CDV3: variants seen among roughly 807,000 people sequenced by gnomAD.
CDV3 encodes the protein CDV3 homolog.
A neutral mutation model predicts 24.5 loss-of-function variants in CDV3; 14 were observed. That is an observed-to-expected ratio of 0.57 (90% CI 0.38 to 0.89). The LOEUF (loss-of-function observed/expected upper bound fraction) is 0.89. Ranked by LOEUF, CDV3 falls within the 40% of genes least tolerant of loss-of-function variation. The pLI, the probability that CDV3 is intolerant of heterozygous loss-of-function variation, is 0.00. For missense variants in CDV3, 304 were observed against 310.2 expected (o/e 0.98, Z 0.15); for synonymous variants, 114 against 114.1 (o/e 1.00, Z 0.00).
chr3:133,578,888 T>C (rs1170349657), intron 2 of CDV3, among the ~76,000 whole-genome samples: 2 of 152,222 alleles, frequency 1.3e-5, no homozygotes, highest in Non-Finnish European at 2.9e-5. Context: ...TTCTATTCTT[T>C]ATAAATATAC....
intron 3 of CDV3, among the ~76,000 whole-genome samples, chr3:133,585,132 G>A (rs574601533): frequency 6.6e-6 from 1 of 152,086 alleles, no homozygotes; most frequent in South Asian, 2.1e-4. Flanking sequence ...ATGGCTCATT[G>A]CAGCCCCTCA....
At chr3:133,584,923 C>T (rs983055100) in intron 3 of CDV3, among the ~76,000 whole-genome samples, 2 of 151,930 alleles carry the variant, frequency 1.3e-5, no homozygotes, top group African/African-American at 4.8e-5. Context: ...CTCCTTAGGG[C>T]AATAATGAAA....
chr3:133,580,768 T>G (rs555112585), intron 2 of CDV3, among the ~76,000 whole-genome samples: 1 of 152,200 alleles, frequency 6.6e-6, no homozygotes, highest in South Asian at 2.1e-4. Flanking sequence ...TTTGAACTCC[T>G]GGCCTCAAGT....
At chr3:133,574,656 G>T in intron 1 of CDV3, 1 of 1,028,650 alleles carries the variant, frequency 9.7e-7, no homozygotes, top group Non-Finnish European at 1.2e-6. Flanking sequence ...CTGAATTTTC[G>T]CTTTCAGCAG....
In CDV3 at chr3:133,588,127, C is replaced by A; in HGVS notation, c.*81C>A. On this transcript the variant is annotated 3_prime_UTR_variant, in exon 5 of 5. Transcript: ENST00000264993. The stretch of plus-strand genomic sequence containing the variant: ...ACAGCCATTCATCATCTGATCTCTG[C>A]TGGATCTACAGACACCGATGCAGAC... 1 of 1,574,932 alleles carries A rather than the reference C, an allele frequency of 6.3e-7. No homozygotes were observed. The highest frequency in any genetic ancestry group is 1.8e-5 in the Admixed American group (1 of 54,310).
At chr3:133,586,442 C>T in intron 3 of CDV3, 121 bp from the exon 4 acceptor site, 1 of 619,046 alleles carries the variant, frequency 1.6e-6, no homozygotes, top group Non-Finnish European at 2.9e-6. Context: ...CTTCTGTGGT[C>T]TGACCCAGAG....
chr3:133,589,382 A>G lies in CDV3; in HGVS notation c.*1336A>G, dbSNP rs1416349917. 1.3e-5 allele frequency: 2 copies of G among 152,720 alleles called. No individual in the cohort carries two copies. The highest frequency in any genetic ancestry group is 3.9e-4 in the East Asian group (2 of 5,184). The allele number at this position is 152,720 out of a possible 1,614,324, so 9.5% of individuals were successfully genotyped here. On this transcript the variant is annotated 3_prime_UTR_variant, in exon 5 of 5. Transcript: ENST00000264993. ...TGATGTAGCACTTCTGTTTTTAATA[A>G]TTATTGCTTAAAATACCTATTAATA...
At chr3:133,584,693 A>G (rs1933404303) in intron 3 of CDV3, among the ~76,000 whole-genome samples, 1 of 152,086 alleles carries the variant, frequency 6.6e-6, no homozygotes, top group Non-Finnish European at 1.5e-5. Context: ...TTCATTCCCT[A>G]TTTAACTTTC....
intron 2 of CDV3, among the ~76,000 whole-genome samples, chr3:133,578,353 C>T (rs192224040): frequency 1.5e-4 from 23 of 152,262 alleles, no homozygotes; most frequent in Non-Finnish European, 2.4e-4. Context: ...GCATTTGTCA[C>T]GTTTCAGTAA....
chr3:133,578,593 G>A (rs927779699), intron 2 of CDV3, among the ~76,000 whole-genome samples: 1 of 152,210 alleles, frequency 6.6e-6, no homozygotes, highest in Non-Finnish European at 1.5e-5. Flanking sequence ...TGGGGCAGAG[G>A]AGAGACATTT....
intron 2 of CDV3, among the ~76,000 whole-genome samples, chr3:133,582,317 A>G (rs1933121613): frequency 1.3e-5 from 2 of 151,964 alleles, no homozygotes; most frequent in Admixed American, 6.6e-5. Context: ...ACACCTGGCT[A>G]ATTTTTGTGT....
rs1179533259 is a variant in CDV3, at chr3:133,589,533, A to G, written c.*1487A>G. 1 of 152,672 alleles carries G rather than the reference A, an allele frequency of 6.5e-6. No homozygotes were observed. Among genetic ancestry groups the G allele is most frequent in the Admixed American group, 6.5e-5 (1 of 15,288 alleles). 9.5% of individuals were successfully genotyped at this position (152,672 alleles called of 1,614,324 possible). On this transcript the variant is annotated 3_prime_UTR_variant, in exon 5 of 5. Coordinates refer to ENST00000264993, the MANE Select transcript of CDV3 (RefSeq NM_017548.5). ...TCAATAGAAATATGTGAAAGTGGTA[A>G]TGTCATCATTTGATGCAGAGTCCGG...
At chr3:133,586,992 C>G (rs751299864) in intron 4 of CDV3, among the ~76,000 whole-genome samples, 2 of 152,212 alleles carry the variant, frequency 1.3e-5, no homozygotes, top group Non-Finnish European at 2.9e-5. Context: ...ATAGCAATGA[C>G]AAGTTTTAAT....
Position 133,573,969 on chromosome 3 carries a change from C to T in CDV3, c.-76C>T. The T allele has an allele frequency of 1.0e-6, 1 of 1,000,866 alleles. No homozygotes were observed. Among genetic ancestry groups the T allele is most frequent in the East Asian group, 1.0e-4 (1 of 9,888 alleles). 62.0% of individuals were successfully genotyped at this position (1,000,866 alleles called of 1,614,324 possible). On this transcript the variant is annotated 5_prime_UTR_variant, in exon 1 of 5. Transcript: ENST00000264993. Reference sequence around the variant, plus strand: ...CCGGCAGCGTGAGCGCAGAGCCGGCCTCGACCCCGAGCTCGGAGCCCCGCG... The same window carrying T: ...CCGGCAGCGTGAGCGCAGAGCCGGCTTCGACCCCGAGCTCGGAGCCCCGCG...
intron 4 of CDV3, chr3:133,587,372 T>A: frequency 8.1e-7 from 1 of 1,233,816 alleles, no homozygotes; most frequent in Non-Finnish European, 1.0e-6. Flanking sequence ...AACCTCCACG[T>A]GGACTTGCTC....
intron 2 of CDV3, among the ~76,000 whole-genome samples, chr3:133,579,885 G>A (rs1320168001): frequency 3.3e-5 from 5 of 152,216 alleles, no homozygotes; most frequent in South Asian, 4.2e-4. Context: ...GAGCCACTGC[G>A]CCCGGCTGAT....
Position 133,590,124 on chromosome 3 carries a change from A to T in CDV3, c.*2078A>T, listed in dbSNP as rs1185020414. The stretch of plus-strand genomic sequence containing the variant: ...AAGATTGTGAAAATATCAAAATATA[A>T]ATGAATCAAGTTTTAATATACTGTA... On this transcript the variant is annotated 3_prime_UTR_variant, in exon 5 of 5. Transcript: ENST00000264993. 2.0e-5 allele frequency: 3 copies of T among 151,226 alleles called. No individual in the cohort carries two copies. The East Asian group carries it at 5.8e-4, about 29-fold the overall frequency. 9.4% of individuals were successfully genotyped at this position (151,226 alleles called of 1,614,324 possible).
Position 133,584,079 on chromosome 3 carries a change from G to A in CDV3, c.395G>A (p.Gly132Glu). 5 of 1,611,238 alleles carry A rather than the reference G, an allele frequency of 3.1e-6. No homozygotes were observed. The highest frequency in any genetic ancestry group is 4.2e-6 in the Non-Finnish European group (5 of 1,177,502). ...DNWEEGGGGG[G>E]GMEKSSGPWN... Reference sequence around the variant, plus strand: ...TGGGAAGAAGGTGGAGGTGGTGGTGGAGGTATGGAAAAATCTTCAGGTCCC... The same window carrying A: ...TGGGAAGAAGGTGGAGGTGGTGGTGAAGGTATGGAAAAATCTTCAGGTCCC... The change falls in exon 3 of 5, where the codon GGA becomes GAA. Residue 132 changes from glycine (G) to glutamate (E), a missense_variant. By Grantham distance (98) the Gly-to-Glu change is moderately conservative (BLOSUM62 -2). Transcript: ENST00000264993.
chr3:133,583,702 G>T (rs1235365802), intron 2 of CDV3, among the ~76,000 whole-genome samples: 2 of 152,076 alleles, frequency 1.3e-5, no homozygotes, highest in African/African-American at 4.8e-5. Flanking sequence ...AGCTGGCATT[G>T]TAGGTGTGTG....
Sources: gnomAD v4.1 joint callset for allele counts (sites outside exome capture counted in the v4.1 genomes callset) on GRCh38, gnomAD v4.1.1 for gene constraint, MANE v1.5 for transcripts, NCBI Gene and HGNC (gene_info 2026-07-23, HGNC 2026-07-21) for gene names.